The following CFAP69 variants were observed in gnomAD, a reference collection of about 807,000 sequenced individuals.
CFAP69 encodes cilia and flagella associated protein 69, also known as cilia- and flagella-associated protein 69.
CFAP69 carries 92 observed loss-of-function variants against 123.0 expected under a neutral mutation model. The ratio of observed to expected loss-of-function variants is 0.75; its 90% confidence interval spans 0.63 to 0.89. CFAP69 has a LOEUF of 0.89. Ranked by LOEUF, CFAP69 falls within the 40% of genes least tolerant of loss-of-function variation. The pLI is 0.00. For missense variants in CFAP69, 1,067 were observed against 1,096.9 expected (o/e 0.97, Z 0.39); for synonymous variants, 380 against 364.3 (o/e 1.04, Z -0.49).
chr7:90,292,219 T>C (rs904548317), intron 15 of CFAP69, among the ~76,000 whole-genome samples: 1 of 152,178 alleles, frequency 6.6e-6, no homozygotes, highest in Admixed American at 6.6e-5. Context: ...ATAAGACTTT[T>C]TTAAAGCCAA....
downstream of CFAP69, among the ~76,000 whole-genome samples, chr7:90,311,468 C>G (rs1230021755): frequency 6.6e-6 from 1 of 152,182 alleles, no homozygotes; most frequent in Non-Finnish European, 1.5e-5. Context: ...TAAATACTGC[C>G]ACTATTACCA....
At chr7:90,268,444 A>T (rs971055429) in intron 6 of CFAP69, 60 bp downstream of exon 6, 1 of 1,257,948 alleles carries the variant, frequency 7.9e-7, no homozygotes, top group East Asian at 2.4e-5. Context: ...GAACATTCTC[A>T]TATCTCTTTG....
intron 12 of CFAP69, among the ~76,000 whole-genome samples, chr7:90,280,986 A>G (rs1789406169): frequency 1.3e-5 from 2 of 152,202 alleles, no homozygotes; most frequent in Admixed American, 6.5e-5. Context: ...CCTTTATATC[A>G]TTTATGTTTG....
intron 15 of CFAP69, among the ~76,000 whole-genome samples, chr7:90,289,456 A>G (rs1239301116): frequency 6.6e-6 from 1 of 152,060 alleles, no homozygotes; most frequent in African/African-American, 2.4e-5. Context: ...TCCCTACTCA[A>G]GTCTCTTGCT....
rs753953637 is a variant in CFAP69, at chr7:90,253,701, A to G, written c.121-1722A>G. Among the ~76,000 whole-genome samples, 70 of 152,066 alleles carry G rather than the reference A, an allele frequency of 4.6e-4. 1 individual carries two copies. Among genetic ancestry groups the G allele is most frequent in the Non-Finnish European group, 5.6e-4 (38 of 67,994 alleles). Reference sequence around the variant, plus strand: ...CCATCACGGCCGGCCTTGTTTTGCTATTGAGTTGTGTTCCTTGTATATTCT... The same window carrying G: ...CCATCACGGCCGGCCTTGTTTTGCTGTTGAGTTGTGTTCCTTGTATATTCT... On this transcript the variant is annotated intron_variant, in intron 1 of 22. Coordinates refer to ENST00000389297, the MANE Select transcript of CFAP69 (RefSeq NM_001039706.3).
intron 17 of CFAP69, 85 bp from the exon 18 acceptor site, chr7:90,303,884 T>C (rs568852743): frequency 7.2e-7 from 1 of 1,392,586 alleles, no homozygotes; most frequent in South Asian, 1.6e-5. Context: ...TTTTATGTTA[T>C]CTAGACTAAA....
chr7:90,307,661 C>A, intron 20 of CFAP69, 107 bp from the exon 21 acceptor site: 2 of 621,942 alleles, frequency 3.2e-6, no homozygotes, highest in Non-Finnish European at 5.4e-6. Flanking sequence ...CAGAGAGATA[C>A]TTGAGACATG....
chr7:90,265,745 C>T (rs772574969), intron 5 of CFAP69, among the ~76,000 whole-genome samples: 23 of 152,078 alleles, frequency 1.5e-4, no homozygotes, highest in Non-Finnish European at 3.1e-4. Context: ...TGAATTGCTG[C>T]AATCATAGAA....
At position 90,251,677 on chromosome 7, in the gene CFAP69, A is replaced by T. The variant is rs1189789914; in HGVS notation, c.121-3746A>T. ...CTAGCACAATTCCTGAAACAAAAAA[A>T]ACCTACTAATAAATAGTTATAGAAG... On this transcript the variant is annotated intron_variant, in intron 1 of 22. Coordinates refer to ENST00000389297, the MANE Select transcript of CFAP69 (RefSeq NM_001039706.3). 2.0e-5 allele frequency among the ~76,000 whole-genome samples: 3 copies of T among 152,132 alleles called. No individual in the cohort carries two copies. The East Asian group carries it at 5.8e-4, about 29-fold the overall frequency.
intron 17 of CFAP69, chr7:90,301,357 A>C (rs1792780719): frequency 6.6e-6 from 1 of 152,076 alleles, no homozygotes; most frequent in Admixed American, 6.6e-5. Context: ...GTTCAGGGGT[A>C]CACATACAGG....
Position 90,268,402 on chromosome 7 carries a change from C to T in CFAP69, c.532+18C>T. 1 of 1,521,566 alleles carries T rather than the reference C, an allele frequency of 6.6e-7. No individual in the cohort carries two copies. Among genetic ancestry groups the T allele is most frequent in the Non-Finnish European group, 9.1e-7 (1 of 1,100,044 alleles). 94.3% of individuals were successfully genotyped at this position (1,521,566 alleles called of 1,614,324 possible). A position where few individuals can be genotyped will look rare whatever the true frequency, so the allele number is the denominator to read the frequency against. ...TATTCCAGGTGAAGTTTACAATGGT[C>T]TTTCAGTGATAACTTGTGTATGTAG... On this transcript the variant is annotated intron_variant, in intron 6 of 22. Transcript: ENST00000389297.
intron 17 of CFAP69, chr7:90,303,048 T>C (rs1483068162): frequency 2.0e-5 from 3 of 152,194 alleles, no homozygotes; most frequent in African/African-American, 7.2e-5. Flanking sequence ...TGGTTAGCTG[T>C]ATTCCTAGGT....
downstream of CFAP69, among the ~76,000 whole-genome samples, chr7:90,314,380 T>C (rs1794586873): frequency 6.6e-6 from 1 of 152,118 alleles, no homozygotes; most frequent in Admixed American, 6.5e-5. Context: ...TCCCAGCACT[T>C]GGGAGGCTGA....
chr7:90,281,211 G>A (rs556102353), intron 12 of CFAP69, among the ~76,000 whole-genome samples: 9 of 152,154 alleles, frequency 5.9e-5, no homozygotes, highest in Admixed American at 5.9e-4. Context: ...AATTATTCCT[G>A]GCCACAAGTG....
chr7:90,258,230 G>C, intron 3 of CFAP69, 67 bp downstream of exon 3: 1 of 1,174,018 alleles, frequency 8.5e-7, no homozygotes, highest in Non-Finnish European at 1.2e-6. Flanking sequence ...TTTAGAAAAT[G>C]TGTTAGTTTT....
In CFAP69 at chr7:90,258,164, G is replaced by C; in HGVS notation, c.246+1G>C. ...GGTACAGTGTTATCAGAATGGACTT[G>C]TATCCTTTACATATATATGTATGTT... On this transcript the variant is annotated splice_donor_variant, in intron 3 of 22. Transcript: ENST00000389297. LOFTEE classifies it high-confidence loss of function. 2 of 1,582,758 alleles carry C rather than the reference G, an allele frequency of 1.3e-6. No homozygotes were observed.
intron 1 of CFAP69, among the ~76,000 whole-genome samples, chr7:90,249,103 C>T (rs914198039): frequency 6.6e-6 from 1 of 152,162 alleles, no homozygotes; most frequent in Non-Finnish European, 1.5e-5. Context: ...ACCCAAATCT[C>T]ATCTCGAATT....
chr7:90,285,208 C>A (rs2117115117), intron 13 of CFAP69, among the ~76,000 whole-genome samples: 1 of 152,188 alleles, frequency 6.6e-6, no homozygotes. Flanking sequence ...ATGGCATACC[C>A]CAGCACTGGG....
intron 15 of CFAP69, among the ~76,000 whole-genome samples, chr7:90,290,296 A>C (rs550417565): frequency 6.6e-6 from 1 of 152,284 alleles, no homozygotes; most frequent in Admixed American, 6.5e-5. Context: ...TGAAGGCCTA[A>C]GGACCAGAAA....
Sources: allele counts gnomAD v4.1 joint callset (sites outside exome capture counted in the v4.1 genomes callset), GRCh38; gene constraint gnomAD v4.1.1; transcripts MANE v1.5; gene names NCBI Gene and HGNC (gene_info 2026-07-23, HGNC 2026-07-21).